Variants in CTNNA3 observed in about 807,000 individuals in gnomAD.
CTNNA3 encodes the protein catenin alpha-3.
CTNNA3 carries 76 observed loss-of-function variants against 95.7 expected under a neutral mutation model. The ratio of observed to expected loss-of-function variants is 0.79; its 90% confidence interval spans 0.66 to 0.96. CTNNA3 has a LOEUF of 0.96. Among genes scored for constraint, CTNNA3 ranks in the 40% least tolerant of loss-of-function variants. The pLI, the probability that CTNNA3 is intolerant of heterozygous loss-of-function variation, is 0.00. For synonymous variants in CTNNA3, 431 were observed against 374.4 expected (o/e 1.15, Z -1.74); for missense variants, 1,191 against 1,089.8 (o/e 1.09, Z -1.31).
At chr10:67,049,309 G>A (rs1428703090) in intron 7 of CTNNA3, among the ~76,000 whole-genome samples, 1 of 152,004 alleles carries the variant, frequency 6.6e-6, no homozygotes, top group Non-Finnish European at 1.5e-5. Flanking sequence ...AATGATGAAG[G>A]CTCAACAGAA....
chr10:66,377,768 T>G (rs892067943), intron 12 of CTNNA3, among the ~76,000 whole-genome samples: 3 of 151,536 alleles, frequency 2.0e-5, no homozygotes, highest in Non-Finnish European at 4.4e-5. Flanking sequence ...ATGAAAGGAG[T>G]GCTTAAATTT....
chr10:67,350,549 A>T (rs370275234), intron 5 of CTNNA3, among the ~76,000 whole-genome samples: 1 of 150,222 alleles, frequency 6.7e-6, no homozygotes, highest in African/African-American at 2.4e-5. Context: ...TGTGTGAATG[A>T]TGACCAAATG....
At chr10:66,626,689 C>T (rs560667773) in intron 9 of CTNNA3, among the ~76,000 whole-genome samples, 104 of 152,068 alleles carry the variant, frequency 6.8e-4, no homozygotes, top group African/African-American at 2.4e-3. Context: ...ATGGGGCCTA[C>T]AAAAAATCCA....
intron 13 of CTNNA3, among the ~76,000 whole-genome samples, chr10:66,256,982 C>T (rs2090811844): frequency 1.3e-5 from 2 of 151,810 alleles, no homozygotes; most frequent in South Asian, 4.2e-4. Flanking sequence ...GTGACCCTCT[C>T]TCCCTCATGA....
At position 67,606,112 on chromosome 10, in the gene CTNNA3, A is replaced by T. The variant is rs536457532; in HGVS notation, c.292+745T>A. Among the ~76,000 whole-genome samples the T allele has an allele frequency of 8.6e-4, 131 of 152,376 alleles. 1 individual carries two copies. The highest frequency in any genetic ancestry group is 3.0e-3 in the African/African-American group (126 of 41,592). On this transcript the variant is annotated intron_variant, in intron 3 of 17. Coordinates refer to ENST00000433211, the MANE Select transcript of CTNNA3 (RefSeq NM_013266.4). Reference sequence around the variant, plus strand: ...GGGGGATTGAGGGAGAAAAATATTTAAAAATCCCAAGTCTCTTTTACAAAG... The same window carrying T: ...GGGGGATTGAGGGAGAAAAATATTTTAAAATCCCAAGTCTCTTTTACAAAG...
chr10:67,692,079 C>A (rs1321105597), intron 1 of CTNNA3, among the ~76,000 whole-genome samples: 1 of 147,154 alleles, frequency 6.8e-6, no homozygotes, highest in Non-Finnish European at 1.5e-5. Flanking sequence ...GGGGGGTCAG[C>A]CCCCCGCCCG....
intron 15 of CTNNA3, among the ~76,000 whole-genome samples, chr10:66,031,382 A>G (rs756573742): frequency 3.3e-5 from 5 of 152,244 alleles, no homozygotes; most frequent in Non-Finnish European, 5.9e-5. Context: ...GCCATAAAAA[A>G]GAATGAAATC....
At chr10:66,123,576 G>A (rs966941565) in intron 13 of CTNNA3, among the ~76,000 whole-genome samples, 9 of 152,086 alleles carry the variant, frequency 5.9e-5, no homozygotes, top group African/African-American at 1.7e-4. Context: ...CTCTGTATAG[G>A]GGCTCTGACC....
At chr10:66,194,560 C>G (rs910240031) in intron 13 of CTNNA3, among the ~76,000 whole-genome samples, 3 of 152,058 alleles carry the variant, frequency 2.0e-5, no homozygotes, top group African/African-American at 7.2e-5. Context: ...AGCCTGGTGA[C>G]AGAGAGAGAG....
intron 15 of CTNNA3, among the ~76,000 whole-genome samples, chr10:66,018,663 T>C (rs1564581599): frequency 6.6e-6 from 1 of 152,138 alleles, no homozygotes; most frequent in Non-Finnish European, 1.5e-5. Flanking sequence ...GAATAATCAA[T>C]TGTTTCTCAA....
At chr10:67,093,386 T>C (rs963287779) in intron 7 of CTNNA3, among the ~76,000 whole-genome samples, 1 of 151,836 alleles carries the variant, frequency 6.6e-6, no homozygotes, top group African/African-American at 2.4e-5. Flanking sequence ...ACTGTACTGT[T>C]GAACACCCTA....
At chr10:66,116,217 T>C (rs1402388240) in intron 13 of CTNNA3, among the ~76,000 whole-genome samples, 3 of 152,210 alleles carry the variant, frequency 2.0e-5, no homozygotes, top group African/African-American at 7.2e-5. Flanking sequence ...GGCAAATGCA[T>C]TGTGCTGTTT....
At chr10:67,277,372 A>G (rs1474457135) in intron 5 of CTNNA3, among the ~76,000 whole-genome samples, 1 of 152,190 alleles carries the variant, frequency 6.6e-6, no homozygotes, top group Non-Finnish European at 1.5e-5. Flanking sequence ...TAGAGGGAAA[A>G]GAAACCTAAA....
At position 66,927,007 on chromosome 10, in the gene CTNNA3, G is replaced by C. The variant is rs755532610; in HGVS notation, c.1048-151483C>G. The stretch of plus-strand genomic sequence containing the variant: ...CTTACTGACAATGCTTTCTTCTGCC[G>C]AACGAGGATGCCCTAAGGGCTGTAG... On this transcript the variant is annotated intron_variant, in intron 7 of 17. Coordinates refer to ENST00000433211, the MANE Select transcript of CTNNA3 (RefSeq NM_013266.4). This position sits in a 1 kb window ranked among gnomAD's most constrained non-coding sequence, Gnocchi z 4.7. 3 of 1,614,056 alleles carry C rather than the reference G, an allele frequency of 1.9e-6. No homozygotes were observed. Among genetic ancestry groups the C allele is most frequent in the South Asian group, 2.2e-5 (2 of 91,058 alleles).
At chr10:66,278,898 C>A (rs1334209632) in intron 13 of CTNNA3, among the ~76,000 whole-genome samples, 1 of 151,972 alleles carries the variant, frequency 6.6e-6, no homozygotes, top group East Asian at 1.9e-4. Context: ...TATTACTAGT[C>A]CACTAATCCA....
At chr10:66,219,621 CTT>C (rs139117603) in intron 13 of CTNNA3, among the ~76,000 whole-genome samples, 6 of 150,526 alleles carry the variant, frequency 4.0e-5, no homozygotes, top group African/African-American at 7.3e-5. Context: ...CCAATTAAGT[CTT>C]TTTTTTTTCT....
intron 7 of CTNNA3, among the ~76,000 whole-genome samples, chr10:67,131,236 T>C (rs139045871): frequency 1.3e-5 from 2 of 152,180 alleles, no homozygotes; most frequent in East Asian, 3.9e-4. Flanking sequence ...TACCTTTCTT[T>C]GGTGTTTCCA....
intron 1 of CTNNA3, among the ~76,000 whole-genome samples, chr10:67,685,031 C>T (rs1255658443): frequency 6.6e-6 from 1 of 152,198 alleles, no homozygotes; most frequent in Non-Finnish European, 1.5e-5. Flanking sequence ...GTGAGGAGGT[C>T]TAAGCCTCGG....
intron 5 of CTNNA3, among the ~76,000 whole-genome samples, chr10:67,470,755 GA>G (rs887942401): frequency 2.0e-5 from 3 of 151,936 alleles, no homozygotes; most frequent in Non-Finnish European, 2.9e-5. Flanking sequence ...TTTGGGGCCA[GA>G]AAAAAACTTT....
Sources: allele counts gnomAD v4.1 joint callset (sites outside exome capture counted in the v4.1 genomes callset), GRCh38; gene constraint gnomAD v4.1.1; non-coding constraint Gnocchi (gnomAD v3.1); transcripts MANE v1.5; gene names NCBI Gene and HGNC (gene_info 2026-07-23, HGNC 2026-07-21).